The following RAB33A variants were observed in gnomAD, a reference collection of about 807,000 sequenced individuals.
The protein encoded by RAB33A is RAB33A, member RAS oncogene family, also known as ras-related protein Rab-33A.
A neutral mutation model predicts 12.0 loss-of-function variants in RAB33A; 6 were observed. The observed-to-expected ratio is 0.50, with a 90% CI of 0.27 to 0.99. The LOEUF (loss-of-function observed/expected upper bound fraction) is 0.99, where lower values mean the gene tolerates loss of function less well. Ranked by LOEUF, RAB33A falls within the 50% of genes least tolerant of loss-of-function variation. RAB33A has a pLI of 0.11. For synonymous variants in RAB33A, 70 were observed against 82.4 expected (o/e 0.85, Z 0.81); for missense variants, 109 against 192.0 (o/e 0.57, Z 2.55).
upstream of RAB33A, among the ~76,000 whole-genome samples, chrX:130,168,025 A>T (rs368090850): frequency 4.5e-3 from 481 of 106,940 alleles, 2 homozygotes; most frequent in African/African-American, 0.016. Context: ...TTTTTTTTTT[A>T]AATTAGCCAG....
At chrX:130,115,305 G>T in the RAB33A span, among the ~76,000 whole-genome samples, 5 of 111,409 alleles carry the variant, frequency 4.5e-5, no homozygotes. Context: ...TACCACCATG[G>T]ACACATACTA....
the RAB33A span, chrX:130,133,573 C>T: frequency 1.1e-6 from 1 of 933,239 alleles, no homozygotes; most frequent in Non-Finnish European, 1.5e-6. Context: ...TTCATGTTTT[C>T]CATCTACAGG....
At chrX:130,119,217 C>T in the RAB33A span, among the ~76,000 whole-genome samples, 1 of 111,166 alleles carries the variant, frequency 9.0e-6, no homozygotes, top group Non-Finnish European at 1.9e-5. Flanking sequence ...TCCTCCCACT[C>T]CCCCACCCCC....
chrX:130,153,098 C>T, the RAB33A span, among the ~76,000 whole-genome samples: 152 of 105,662 alleles, frequency 1.4e-3, no homozygotes, highest in African/African-American at 4.9e-3. Flanking sequence ...TTTGGGAGGC[C>T]GAGGCGGGTG....
the RAB33A span, among the ~76,000 whole-genome samples, chrX:130,111,188 C>T: frequency 3.1e-4 from 34 of 108,262 alleles, 1 homozygote; most frequent in South Asian, 0.013. Context: ...GCCCGCAGAG[C>T]CCGCGTCGTG....
chrX:130,151,418 C>T, the RAB33A span, among the ~76,000 whole-genome samples: 4 of 111,125 alleles, frequency 3.6e-5, no homozygotes, highest in Non-Finnish European at 7.5e-5. Flanking sequence ...GGATTACATG[C>T]GTGAGCCACC....
chrX:130,124,857 G>A, the RAB33A span, among the ~76,000 whole-genome samples: 7 of 111,859 alleles, frequency 6.3e-5, no homozygotes, highest in Non-Finnish European at 1.1e-4. Flanking sequence ...TCTGTGATTG[G>A]ATTGGGTATC....
the RAB33A span, among the ~76,000 whole-genome samples, chrX:130,154,022 G>A: frequency 8.9e-6 from 1 of 112,192 alleles, no homozygotes; most frequent in African/African-American, 3.2e-5. Flanking sequence ...AAAAAACTAA[G>A]CCACCTCAGA....
chrX:130,118,185 G>A, the RAB33A span, among the ~76,000 whole-genome samples: 1 of 112,597 alleles, frequency 8.9e-6, no homozygotes, highest in African/African-American at 3.2e-5. Flanking sequence ...ATTCAGGAGA[G>A]TTGGGGAGGG....
At chrX:130,137,829 G>A in the RAB33A span, 163 of 768,501 alleles carry the variant, frequency 2.1e-4, 1 homozygote, top group East Asian at 0.01. Context: ...TTGGGTGGCC[G>A]AGGTGGGTGG....
the RAB33A span, among the ~76,000 whole-genome samples, chrX:130,123,287 G>A: frequency 8.9e-6 from 1 of 112,430 alleles, no homozygotes; most frequent in Non-Finnish European, 1.9e-5. Flanking sequence ...GTGAGCGGCA[G>A]CACTGCGGCT....
chrX:130,127,122 A>G, the RAB33A span, among the ~76,000 whole-genome samples: 3 of 111,479 alleles, frequency 2.7e-5, no homozygotes, highest in Non-Finnish European at 5.6e-5. Flanking sequence ...TTAGTACTAC[A>G]GGAGACTTTG....
intron 1 of RAB33A, among the ~76,000 whole-genome samples, chrX:130,176,278 G>T (rs1211712751): frequency 1.8e-5 from 2 of 112,232 alleles, no homozygotes; most frequent in Non-Finnish European, 3.8e-5. Flanking sequence ...GGGTGTGTGT[G>T]TGTGTGTAGA....
the RAB33A span, chrX:130,133,512 A>G: frequency 8.5e-7 from 1 of 1,178,737 alleles, no homozygotes; most frequent in Non-Finnish European, 1.2e-6. Flanking sequence ...AGCAAGTTAA[A>G]GACAAAATAT....
chrX:130,172,276 G>A lies in RAB33A; in HGVS notation c.214G>A (p.Asp72Asn), dbSNP rs1386348771. ...PDKTEATIGV[D>N]FREKTVEIEG... Reference sequence around the variant, plus strand: ...CAAGACTGAAGCCACCATCGGCGTGGACTTCAGGGAGAAGACCGTGGAAAT... The same window carrying A: ...CAAGACTGAAGCCACCATCGGCGTGAACTTCAGGGAGAAGACCGTGGAAAT... The change falls in exon 1 of 2, where the codon GAC becomes AAC. Residue 72 changes from aspartate (D) to asparagine (N), a missense_variant. Asp to Asn is a conservative substitution (Grantham distance 23, BLOSUM62 1). Transcript: ENST00000257017. 34 of 1,210,226 alleles carry A rather than the reference G, an allele frequency of 2.8e-5. No homozygotes were observed. Among genetic ancestry groups the A allele is most frequent in the Non-Finnish European group, 3.7e-5 (33 of 894,957 alleles).
chrX:130,134,677 G>A, the RAB33A span, among the ~76,000 whole-genome samples: 1 of 110,015 alleles, frequency 9.1e-6, no homozygotes, highest in African/African-American at 3.3e-5. Flanking sequence ...AGCAGAGGGC[G>A]AGAACCTCCA....
chrX:130,156,413 A>T, the RAB33A span: 1 of 1,205,157 alleles, frequency 8.3e-7, no homozygotes, highest in South Asian at 1.8e-5. Context: ...GAGTCTATTA[A>T]TGGGAGCTGT....
the RAB33A span, among the ~76,000 whole-genome samples, chrX:130,158,916 C>T: frequency 9.1e-6 from 1 of 110,220 alleles, no homozygotes; most frequent in Non-Finnish European, 1.9e-5. Flanking sequence ...AAGGAATTTC[C>T]CCCTTGCTTT....
chrX:130,171,659 C>T (rs1249449089), upstream of RAB33A: 1 of 155,820 alleles, frequency 6.4e-6, no homozygotes, highest in Non-Finnish European at 1.2e-5. Flanking sequence ...CGGGTCCGTC[C>T]CGGGAATGCA....
Sources: allele counts gnomAD v4.1 joint callset (sites outside exome capture counted in the v4.1 genomes callset), GRCh38; gene constraint gnomAD v4.1.1; transcripts MANE v1.5; gene names NCBI Gene and HGNC (gene_info 2026-07-23, HGNC 2026-07-21).